FOXP2: variants seen among roughly 807,000 people sequenced by gnomAD.
FOXP2 encodes the protein forkhead box P2.
In FOXP2, 12 loss-of-function variants were observed where a neutral mutation model predicts 115.8. The observed-to-expected ratio is 0.10, with a 90% CI of 0.07 to 0.17. The LOEUF is 0.17. Among genes scored for constraint, FOXP2 ranks in the 10% least tolerant of loss-of-function variants. The pLI is 1.00. For synonymous variants in FOXP2, 328 were observed against 297.7 expected (o/e 1.10, Z -1.05); for missense variants, 629 against 843.5 (o/e 0.75, Z 3.15).
chr7:114,627,262 G>T (rs1389836475), intron 3 of FOXP2, among the ~76,000 whole-genome samples: 1 of 151,586 alleles, frequency 6.6e-6, no homozygotes, highest in Non-Finnish European at 1.5e-5. Flanking sequence ...ATTAAAATAA[G>T]TTGTGAACCG....
intron 1 of FOXP2, among the ~76,000 whole-genome samples, chr7:114,244,301 C>T (rs1795223721): frequency 1.3e-5 from 2 of 151,120 alleles, no homozygotes; most frequent in Admixed American, 1.3e-4. Flanking sequence ...CAAGTCCATA[C>T]TTTATTCACA....
At chr7:114,247,575 G>C (rs760578375) in intron 1 of FOXP2, among the ~76,000 whole-genome samples, 4 of 152,102 alleles carry the variant, frequency 2.6e-5, no homozygotes, top group Non-Finnish European at 5.9e-5. Context: ...GCACATGGCT[G>C]CGTCCTTGAA....
intron 1 of FOXP2, among the ~76,000 whole-genome samples, chr7:114,281,664 A>G (rs768968504): frequency 9.2e-5 from 14 of 152,184 alleles, no homozygotes; most frequent in Admixed American, 2.6e-4. Context: ...TAAAATATAT[A>G]TATTTAAGTA....
rs963782619 is a variant in FOXP2, at chr7:114,211,333, C to T, written c.-102+48245C>T. Among the ~76,000 whole-genome samples the T allele has an allele frequency of 2.0e-5, 3 of 152,188 alleles. No individual in the cohort carries two copies. In the South Asian group the frequency reaches 6.2e-4, roughly 32 times the overall value. On this transcript the variant is annotated intron_variant, in intron 1 of 17. Coordinates refer to the FOXP2 transcript ENST00000634411. ...AGCTCTGTGTATCAGACCCAAGTCC[C>T]TGGTGGTGTGGGCTCACAAGGGGAT... is the stretch of plus-strand genomic sequence containing the variant.
At chr7:114,264,815 C>T (rs535647664) in intron 1 of FOXP2, among the ~76,000 whole-genome samples, 4 of 152,124 alleles carry the variant, frequency 2.6e-5, no homozygotes, top group Admixed American at 1.3e-4. Flanking sequence ...AGAGCAGGCC[C>T]GTCACATAGT....
chr7:114,446,507 G>T (rs1258739708), intron 2 of FOXP2, among the ~76,000 whole-genome samples: 1 of 151,804 alleles, frequency 6.6e-6, no homozygotes, highest in Non-Finnish European at 1.5e-5. Context: ...AATGGGTAAT[G>T]TAAACAGTAA....
chr7:114,372,755 G>A (rs1246702760), intron 2 of FOXP2, among the ~76,000 whole-genome samples: 1 of 151,514 alleles, frequency 6.6e-6, no homozygotes, highest in Non-Finnish European at 1.5e-5. Context: ...GTTTCCCCAC[G>A]TGTAAATAAA....
At chr7:114,266,348 A>G (rs921039519) in intron 1 of FOXP2, among the ~76,000 whole-genome samples, 6 of 152,144 alleles carry the variant, frequency 3.9e-5, no homozygotes, top group Admixed American at 2.0e-4. Context: ...AATACCTTAG[A>G]CTGGATAATT....
chr7:114,520,110 G>C (rs1014477861), intron 2 of FOXP2, among the ~76,000 whole-genome samples: 1 of 152,026 alleles, frequency 6.6e-6, no homozygotes, highest in South Asian at 2.1e-4. Flanking sequence ...AAGTTACCTA[G>C]GTCCTTATCA....
At chr7:114,457,289 AAAGC>A (rs1390332340) in intron 2 of FOXP2, among the ~76,000 whole-genome samples, 1 of 152,174 alleles carries the variant, frequency 6.6e-6, no homozygotes, top group East Asian at 1.9e-4. Flanking sequence ...TATACCAGAA[AAAGC>A]ATATATGTGA....
intron 1 of FOXP2, among the ~76,000 whole-genome samples, chr7:114,104,473 A>T (rs1270440643): frequency 6.6e-6 from 1 of 152,022 alleles, no homozygotes; most frequent in Non-Finnish European, 1.5e-5. Flanking sequence ...AGGAAATACA[A>T]CTAGAGGTAA....
intron 3 of FOXP2, among the ~76,000 whole-genome samples, chr7:114,624,848 A>G (rs1055907684): frequency 1.3e-4 from 19 of 151,574 alleles, no homozygotes; most frequent in African/African-American, 4.6e-4. Context: ...AAATATAATT[A>G]TATTTAATAT....
intron 1 of FOXP2, among the ~76,000 whole-genome samples, chr7:114,089,604 T>C (rs1300223891): frequency 6.6e-6 from 1 of 151,982 alleles, no homozygotes; most frequent in Non-Finnish European, 1.5e-5. Context: ...CTGAATAAGC[T>C]GTACTTGGAG....
chr7:114,439,763 A>C (rs1794518858), intron 2 of FOXP2, among the ~76,000 whole-genome samples: 1 of 151,854 alleles, frequency 6.6e-6, no homozygotes, highest in Non-Finnish European at 1.5e-5. Flanking sequence ...ATGTGGAGAC[A>C]GGGTTTTGGC....
intron 16 of FOXP2, among the ~76,000 whole-genome samples, chr7:114,673,162 CA>C (rs925419187): frequency 1.3e-5 from 2 of 152,148 alleles, no homozygotes; most frequent in Non-Finnish European, 2.9e-5. Context: ...GACTTAAAGG[CA>C]AAGTGTCAAG....
chr7:114,547,880 G>A (rs17137088), intron 3 of FOXP2, among the ~76,000 whole-genome samples: 10,001 of 152,212 alleles, frequency 0.066, 903 homozygotes, highest in East Asian at 0.36. Flanking sequence ...TATATCTATT[G>A]CCTCAGCCAC....
At chr7:114,632,599 G>A (rs1804980918) in intron 6 of FOXP2, among the ~76,000 whole-genome samples, 1 of 152,098 alleles carries the variant, frequency 6.6e-6, no homozygotes, top group Non-Finnish European at 1.5e-5. Context: ...AGCATTGGCT[G>A]CACATTTTGC....
At chr7:114,378,701 A>AAAAAG (rs1554380027) in intron 2 of FOXP2, among the ~76,000 whole-genome samples, 1 of 106,754 alleles carries the variant, frequency 9.4e-6, no homozygotes, top group Non-Finnish European at 1.9e-5. Flanking sequence ...AAAAAAAAAA[A>AAAAAG]GGAAAAGAAA....
intron 2 of FOXP2, among the ~76,000 whole-genome samples, chr7:114,347,903 T>C (rs1197717260): frequency 6.6e-6 from 1 of 152,040 alleles, no homozygotes; most frequent in Admixed American, 6.6e-5. Flanking sequence ...TTAAGAAAAA[T>C]AATTTTGGGT....
Sources: allele counts gnomAD v4.1 joint callset (sites outside exome capture counted in the v4.1 genomes callset), GRCh38; gene constraint gnomAD v4.1.1; transcripts MANE v1.5; gene names NCBI Gene and HGNC (gene_info 2026-07-23, HGNC 2026-07-21).